The following FAM149A variants were observed in gnomAD, a reference collection of about 807,000 sequenced individuals.
FAM149A encodes protein FAM149A.
In FAM149A, 71 loss-of-function variants were observed where a neutral mutation model predicts 78.2. The observed-to-expected ratio is 0.91, with a 90% confidence interval of 0.75 to 1.11. The LOEUF is 1.11. Ranked by LOEUF, FAM149A falls within the 50% of genes least tolerant of loss-of-function variation. FAM149A has a pLI of 0.00. For missense variants in FAM149A, 1,036 were observed against 971.0 expected (o/e 1.07, Z -0.89); for synonymous variants, 446 against 410.5 (o/e 1.09, Z -1.04).
intron 1 of FAM149A, among the ~76,000 whole-genome samples, chr4:186,141,285 A>C (rs971274615): frequency 6.6e-6 from 1 of 152,192 alleles, no homozygotes; most frequent in Non-Finnish European, 1.5e-5. Context: ...TGTAAAATAC[A>C]CACTGGATTT....
At chr4:186,126,960 A>G (rs934533933) in intron 1 of FAM149A, 1 of 985,286 alleles carries the variant, frequency 1.0e-6, no homozygotes, top group Non-Finnish European at 1.2e-6. Flanking sequence ...CTTTGGAACC[A>G]CTGAAGAGGC....
chr4:186,154,888 G>C (rs1733913498), intron 6 of FAM149A: 1 of 985,276 alleles, frequency 1.0e-6, no homozygotes. Context: ...TGGTCCTGGG[G>C]GCTCCAGGTT....
rs1349931153 is a variant in FAM149A at position 186,104,867 on chromosome 4, C to T, written c.-210C>T. On this transcript the variant is annotated 5_prime_UTR_variant, in exon 1 of 14. Coordinates refer to ENST00000389354, the MANE Select transcript of FAM149A (RefSeq NM_001367768.3). ...ACGAGGCGGGGCTGCTCTCCGCAGC[C>T]GGGGCGCTCGGCGGACGGACCCGGG... 1 of 743,988 alleles carries T rather than the reference C, an allele frequency of 1.3e-6. No homozygotes were observed. Among genetic ancestry groups the T allele is most frequent in the South Asian group, 6.0e-5 (1 of 16,604 alleles). The allele number at this position is 743,988 out of a possible 1,614,324, so 46.1% of individuals were successfully genotyped here. A position where few individuals can be genotyped will look rare whatever the true frequency, so the allele number is the denominator to read the frequency against.
In FAM149A at chr4:186,173,692, G is replaced by GGCA. The variant is rs781534240; in HGVS notation, c.*1729_*1731dup. On this transcript the variant is annotated 3_prime_UTR_variant, in exon 14 of 14. Coordinates refer to ENST00000389354, the MANE Select transcript of FAM149A (RefSeq NM_001367768.3). ...ATTTCTATAGCAATGAGACACATTA[G>GGCA]GCAGCAGCAGCAGCAGCAGCAGCAG... 3.0e-3 allele frequency among the ~76,000 whole-genome samples: 326 copies of GGCA among 110,252 alleles called. 66 individuals carry two copies. Among genetic ancestry groups the GGCA allele is most frequent in the African/African-American group, 8.0e-3 (280 of 35,020 alleles). 72.3% of individuals were successfully genotyped at this position (110,252 alleles called of 152,430 possible). A position where few individuals can be genotyped will look rare whatever the true frequency, so the allele number is the denominator to read the frequency against.
At chr4:186,118,881 T>C (rs1225154535) in intron 1 of FAM149A, among the ~76,000 whole-genome samples, 1 of 152,162 alleles carries the variant, frequency 6.6e-6, no homozygotes, top group Non-Finnish European at 1.5e-5. Flanking sequence ...TAATCCAAGC[T>C]TGTAAGTTTC....
chr4:186,153,283 ATTAG>A (rs1733757423), intron 4 of FAM149A: 4 of 946,338 alleles, frequency 4.2e-6, no homozygotes, highest in South Asian at 4.9e-5. Context: ...TTAACTGTGT[ATTAG>A]TTAATATGTA....
At chr4:186,136,993 TCTCTCTCTCTC>T (rs2099323495) in intron 1 of FAM149A, among the ~76,000 whole-genome samples, 2 of 139,100 alleles carry the variant, frequency 1.4e-5, no homozygotes, top group African/African-American at 5.2e-5. Context: ...TCTCTCTCTC[TCTCTCTCTCTC>T]TCTCTCTCTC....
intron 1 of FAM149A, chr4:186,126,196 T>TTTTG: frequency 2.9e-6 from 2 of 678,836 alleles, no homozygotes; most frequent in Non-Finnish European, 3.6e-6. Context: ...CCTCGCGCCT[T>TTTTG]GTTACCAAAA....
intron 1 of FAM149A, chr4:186,126,807 T>C: frequency 1.2e-6 from 1 of 853,872 alleles, no homozygotes; most frequent in Non-Finnish European, 1.4e-6. Context: ...CCTGTTCCCC[T>C]AATAAATCTC....
intron 1 of FAM149A, chr4:186,110,051 C>T: frequency 1.0e-6 from 1 of 985,346 alleles, no homozygotes; most frequent in Non-Finnish European, 1.2e-6. Context: ...CCACTGAAAC[C>T]CTGTGATTTA....
chr4:186,156,463 C>G (rs1270023897), intron 7 of FAM149A, among the ~76,000 whole-genome samples: 2 of 152,182 alleles, frequency 1.3e-5, no homozygotes, highest in East Asian at 3.8e-4. Context: ...CACCTGAGGT[C>G]AGGAGTTCAA....
chr4:186,157,709 A>T lies in FAM149A; in HGVS notation c.1565A>T (p.Asn522Ile), dbSNP rs781050991. 1.2e-6 allele frequency: 2 copies of T among 1,609,474 alleles called. No individual in the cohort carries two copies. Among genetic ancestry groups the T allele is most frequent in the East Asian group, 4.5e-5 (2 of 44,808 alleles). The change falls in exon 8 of 14, where the codon AAC becomes ATC. Residue 522 changes from asparagine (N) to isoleucine (I), a missense_variant. Physicochemically the swap from Asn to Ile is moderately radical, Grantham distance 149. Transcript: ENST00000389354. ...GGCATCTCCCTGGCTTCTCGTCTGAACCCGCCCCAGGTCGGTGCTTTCACA... is the reference window on the plus strand; with the variant it reads ...GGCATCTCCCTGGCTTCTCGTCTGATCCCGCCCCAGGTCGGTGCTTTCACA...
Position 186,151,889 on chromosome 4 carries a change from G to A in FAM149A, c.790-14G>A. The A allele has an allele frequency of 6.2e-7, 1 of 1,613,446 alleles. No homozygotes were observed. The highest frequency in any genetic ancestry group is 1.1e-5 in the South Asian group (1 of 90,988). ...AACTTGCAGTGTTGTAACCAAGTGT[G>A]CATTTCTGTTTAGGAATTTGACGAA... On this transcript the variant is annotated splice_polypyrimidine_tract_variant and intron_variant, in intron 3 of 13. Transcript: ENST00000389354.
At chr4:186,124,184 T>C in intron 1 of FAM149A, 1 of 985,404 alleles carries the variant, frequency 1.0e-6, no homozygotes, top group Non-Finnish European at 1.2e-6. Flanking sequence ...GCAAAGGCAC[T>C]ATATTCCTCC....
At chr4:186,138,504 C>T (rs1022063018) in intron 1 of FAM149A, among the ~76,000 whole-genome samples, 10 of 152,206 alleles carry the variant, frequency 6.6e-5, no homozygotes, top group African/African-American at 2.4e-4. Context: ...CCGTCACCAC[C>T]AGTTTTCCCC....
chr4:186,152,614 A>G (rs1279482615), intron 4 of FAM149A, among the ~76,000 whole-genome samples: 3 of 130,440 alleles, frequency 2.3e-5, no homozygotes, highest in East Asian at 2.2e-4. Flanking sequence ...GCGCGATCTC[A>G]GCTCACTGCA....
chr4:186,156,154 G>C lies in FAM149A; in HGVS notation c.1384G>C (p.Glu462Gln). 2 of 1,613,362 alleles carry C rather than the reference G, an allele frequency of 1.2e-6. No homozygotes were observed. Among genetic ancestry groups the C allele is most frequent in the African/African-American group, 2.7e-5 (2 of 75,014 alleles). The change falls in exon 7 of 14, where the codon GAG becomes CAG. Residue 462 changes from glutamate (E) to glutamine (Q), a missense_variant. By Grantham distance (29) the Glu-to-Gln change is conservative. Around this residue, in one of 3 missense-constraint regions of FAM149A, gnomAD observed 716 missense variants for 711.8 expected, o/e 1.01. Coordinates refer to ENST00000389354, the MANE Select transcript of FAM149A (RefSeq NM_001367768.3). The stretch of plus-strand genomic sequence containing the variant: ...GACAAATATGGTAGAACTTTTGGAA[G>C]AGCTGATTAGAAAACACTGGGAAAC...
Position 186,105,205 on chromosome 4 carries a change from G to A in FAM149A, c.129G>A (p.Arg43=), listed in dbSNP as rs1293711653. The change falls in exon 1 of 14, where the codon AGG becomes AGA. Residue 43 remains arginine, a synonymous_variant. Coordinates refer to ENST00000389354, the MANE Select transcript of FAM149A (RefSeq NM_001367768.3). Reference sequence around the variant, plus strand: ...CCGCTGCAGGGTCGGGGGGCTCCAGGGCGGGCACCCCGTTGGGTACCGCCC... The same window carrying A: ...CCGCTGCAGGGTCGGGGGGCTCCAGAGCGGGCACCCCGTTGGGTACCGCCC... 1.6e-6 allele frequency: 2 copies of A among 1,270,228 alleles called. No individual in the cohort carries two copies. The highest frequency in any genetic ancestry group is 4.7e-5 in the Admixed American group (2 of 42,378). The allele number at this position is 1,270,228 out of a possible 1,614,324, so 78.7% of individuals were successfully genotyped here.
At chr4:186,136,944 C>CTCTCTCTCTCTT (rs1561396134) in intron 1 of FAM149A, among the ~76,000 whole-genome samples, 2 of 114,908 alleles carry the variant, frequency 1.7e-5, no homozygotes, top group African/African-American at 7.8e-5. Context: ...TGATCTCTCT[C>CTCTCTCTCTCTT]TCTCTCTCTC....
Sources: gnomAD v4.1 joint callset for allele counts (sites outside exome capture counted in the v4.1 genomes callset) on GRCh38, gnomAD v4.1.1 for gene constraint, gnomAD v4.1.1 regional missense constraint, MANE v1.5 for transcripts, NCBI Gene and HGNC (gene_info 2026-07-23, HGNC 2026-07-21) for gene names.